Variants in NBEA observed in about 807,000 individuals in gnomAD.
NBEA encodes the protein neurobeachin.
In NBEA, 44 loss-of-function variants were observed where a neutral mutation model predicts 343.4. That is an observed-to-expected ratio of 0.13 (90% CI 0.10 to 0.16). The LOEUF (loss-of-function observed/expected upper bound fraction) is 0.16, where lower values mean the gene tolerates loss of function less well. Among genes scored for constraint, NBEA ranks in the 10% least tolerant of loss-of-function variants. NBEA has a pLI of 1.00. For synonymous variants in NBEA, 1,175 were observed against 1,238.7 expected (o/e 0.95, Z 1.08); for missense variants, 2,555 against 3,631.3 (o/e 0.70, Z 7.62).
chr13:35,668,350 G>C lies in NBEA; in HGVS notation c.8662-18G>C, dbSNP rs1017269622. The C allele has an allele frequency of 1.9e-6, 3 of 1,562,602 alleles. No homozygotes were observed. Among genetic ancestry groups the C allele is most frequent in the Non-Finnish European group, 2.6e-6 (3 of 1,154,394 alleles). ...TTATTTTGTTTTTTTTTGTTTGTTTGTTTTACCTTTTCTGAAGGCCATTCT... is the reference window on the plus strand; with the variant it reads ...TTATTTTGTTTTTTTTTGTTTGTTTCTTTTACCTTTTCTGAAGGCCATTCT... On this transcript the variant is annotated intron_variant, in intron 57 of 58. Transcript: ENST00000379939.
In NBEA at chr13:35,551,014, A is replaced by G. The variant is rs2079294724; in HGVS notation, c.6788A>G (p.Tyr2263Cys). ...CCTCGGGTTGGAGTAGGGACCAGCT[A>G]TGGTCTGCCACAAGCCAGGTAATTA... Reference protein sequence around the residue: ...SLPRVGVGTSYGLPQARRISL... With the variant: ...SLPRVGVGTSCGLPQARRISL... The change falls in exon 43 of 59, where the codon TAT (tyrosine) becomes TGT (cysteine). Residue 2263 changes from tyrosine to cysteine, a missense_variant. Tyr to Cys is a radical substitution (Grantham distance 194). Around this residue, in one of 21 missense-constraint regions of NBEA, gnomAD observed 38 missense variants for 97.2 expected, o/e 0.39. Coordinates refer to ENST00000379939, the MANE Select transcript of NBEA (RefSeq NM_001385012.1). 6.3e-7 allele frequency: 1 copy of G among 1,599,110 alleles called. No homozygotes were observed. The highest frequency in any genetic ancestry group is 8.6e-7 in the Non-Finnish European group (1 of 1,167,730).
At chr13:35,456,201 A>T (rs1402612634) in intron 40 of NBEA, among the ~76,000 whole-genome samples, 1 of 152,016 alleles carries the variant, frequency 6.6e-6, no homozygotes, top group East Asian at 1.9e-4. Context: ...TTTAATAAAG[A>T]TAAAATGTTC....
At chr13:35,176,825 C>T (rs577413688) in intron 27 of NBEA, among the ~76,000 whole-genome samples, 171 bp from the exon 28 acceptor site, 1 of 151,964 alleles carries the variant, frequency 6.6e-6, no homozygotes, top group African/African-American at 2.4e-5. Context: ...GAAACCATGA[C>T]ATGAGTAGAG....
chr13:35,427,895 C>G (rs1478600079), intron 38 of NBEA, among the ~76,000 whole-genome samples: 2 of 152,166 alleles, frequency 1.3e-5, no homozygotes, highest in African/African-American at 4.8e-5. Flanking sequence ...GCTGTGCTAG[C>G]AATGAGCGAG....
At chr13:35,056,197 TTAAATAA>T in intron 7 of NBEA, 68 bp downstream of exon 7, 1 of 1,256,536 alleles carries the variant, frequency 8.0e-7, no homozygotes, top group South Asian at 2.7e-5. Context: ...ACAATATGAA[TTAAATAA>T]TAAAATAGTT....
At chr13:35,214,056 C>G (rs781068789) in intron 33 of NBEA, among the ~76,000 whole-genome samples, 1 of 151,842 alleles carries the variant, frequency 6.6e-6, no homozygotes, top group African/African-American at 2.4e-5. Context: ...TGTGATTTAT[C>G]GATATCTTTT....
intron 36 of NBEA, among the ~76,000 whole-genome samples, chr13:35,340,356 T>G (rs2039519437): frequency 6.6e-6 from 1 of 151,980 alleles, no homozygotes. Context: ...AAGCCAGTAA[T>G]AAAAGGACAA....
At chr13:35,309,206 G>A (rs2037195167) in intron 35 of NBEA, among the ~76,000 whole-genome samples, 1 of 151,960 alleles carries the variant, frequency 6.6e-6, no homozygotes, top group African/African-American at 2.4e-5. Flanking sequence ...TCCTTGTGTA[G>A]TCACATTAGG....
chr13:35,014,132 A>G (rs2061572688), intron 1 of NBEA, among the ~76,000 whole-genome samples: 1 of 143,280 alleles, frequency 7.0e-6, no homozygotes, highest in Non-Finnish European at 1.6e-5. Context: ...CTTTCCTGTT[A>G]TTAGCAAAAA....
At chr13:35,486,636 C>G (rs1416948118) in intron 41 of NBEA, among the ~76,000 whole-genome samples, 1 of 152,014 alleles carries the variant, frequency 6.6e-6, no homozygotes, top group African/African-American at 2.4e-5. Flanking sequence ...CTGCCATCAG[C>G]ATTACAGTTT....
chr13:35,540,889 A>G (rs934663341), intron 41 of NBEA, among the ~76,000 whole-genome samples: 1 of 152,324 alleles, frequency 6.6e-6, no homozygotes, highest in Non-Finnish European at 1.5e-5. Context: ...TTACTAATGA[A>G]TATAAAATAC....
intron 34 of NBEA, among the ~76,000 whole-genome samples, chr13:35,241,864 A>G (rs2030351259): frequency 1.3e-5 from 2 of 152,032 alleles, no homozygotes; most frequent in South Asian, 2.1e-4. Context: ...TGCAGCATAC[A>G]TGATAATGAG....
At chr13:35,151,076 C>T (rs2068749141) in intron 18 of NBEA, among the ~76,000 whole-genome samples, 1 of 144,744 alleles carries the variant, frequency 6.9e-6, no homozygotes, top group African/African-American at 2.6e-5. Context: ...GATTGTTCTA[C>T]TGCACTCCAG....
At chr13:35,567,039 G>A in intron 45 of NBEA, 22 bp downstream of exon 45, 1 of 1,314,710 alleles carries the variant, frequency 7.6e-7, no homozygotes, top group Non-Finnish European at 1.1e-6. Flanking sequence ...ATATATAGAA[G>A]TCAGCTTTCT....
chr13:35,551,085 C>A, intron 43 of NBEA, 53 bp downstream of exon 43: 3 of 1,034,124 alleles, frequency 2.9e-6, no homozygotes, highest in South Asian at 1.5e-5. Context: ...ATTTCAATCT[C>A]AATATTACAG....
intron 36 of NBEA, among the ~76,000 whole-genome samples, chr13:35,334,549 C>T (rs2039130922): frequency 6.6e-6 from 1 of 152,156 alleles, no homozygotes; most frequent in Admixed American, 6.6e-5. Flanking sequence ...GGATTACAGG[C>T]GTGGGCCACC....
chr13:35,318,007 C>T (rs937572949), intron 36 of NBEA, among the ~76,000 whole-genome samples: 32 of 152,226 alleles, frequency 2.1e-4, no homozygotes, highest in African/African-American at 6.3e-4. Flanking sequence ...GGGGCTGAGA[C>T]GATGGAGTTT....
At chr13:35,070,328 C>T (rs2063817396) in intron 9 of NBEA, among the ~76,000 whole-genome samples, 2 of 151,900 alleles carry the variant, frequency 1.3e-5, no homozygotes. Flanking sequence ...TATCCATTAT[C>T]TTATATAGCC....
At chr13:35,273,762 A>C (rs2034363231) in intron 34 of NBEA, among the ~76,000 whole-genome samples, 1 of 152,182 alleles carries the variant, frequency 6.6e-6, no homozygotes, top group African/African-American at 2.4e-5. Flanking sequence ...TAGAAAATCT[A>C]AAAGAAATGG....
Sources: allele counts gnomAD v4.1 joint callset (sites outside exome capture counted in the v4.1 genomes callset), GRCh38; gene constraint gnomAD v4.1.1; regional missense constraint gnomAD v4.1.1; transcripts MANE v1.5; gene names NCBI Gene and HGNC (gene_info 2026-07-23, HGNC 2026-07-21).